Variants in DOCK3 observed in about 807,000 individuals in gnomAD.
DOCK3 encodes dedicator of cytokinesis protein 3.
A neutral mutation model predicts 265.6 loss-of-function variants in DOCK3; 60 were observed. That is an observed-to-expected ratio of 0.23 (90% CI 0.18 to 0.28). DOCK3 has a LOEUF of 0.28. DOCK3 is among the 10% of genes least tolerant of loss of function. DOCK3 has a pLI of 1.00. For synonymous variants in DOCK3, 881 were observed against 938.0 expected (o/e 0.94, Z 1.11); for missense variants, 1,981 against 2,594.3 (o/e 0.76, Z 5.14).
At chr3:51,341,769 T>C (rs2085257212) in intron 38 of DOCK3, among the ~76,000 whole-genome samples, 1 of 152,276 alleles carries the variant, frequency 6.6e-6, no homozygotes, top group Admixed American at 6.5e-5. Context: ...TAGAAATGAA[T>C]GGATTTTAAC....
At position 50,823,107 on chromosome 3, in the gene DOCK3, CTTAAG is replaced by C. The variant is rs897644529; in HGVS notation, c.122-18563_122-18559del. 3.8e-4 allele frequency among the ~76,000 whole-genome samples: 58 copies of C among 151,902 alleles called. 1 individual carries two copies. The highest frequency in any genetic ancestry group is 5.9e-5 in the Non-Finnish European group (4 of 67,966). On this transcript the variant is annotated intron_variant, in intron 2 of 52. Coordinates refer to ENST00000266037, the MANE Select transcript of DOCK3 (RefSeq NM_004947.5). ...GACAGATTTTTCATTATACTTGCAA[CTTAAG>C]TTAATTTTTAAAAGTAAATTGGAAT...
chr3:51,010,446 C>G (rs1559931810), intron 5 of DOCK3, among the ~76,000 whole-genome samples: 2 of 151,282 alleles, frequency 1.3e-5, no homozygotes, highest in East Asian at 3.9e-4. Flanking sequence ...GCAACCCCTA[C>G]TTTTTTTTTG....
At chr3:51,018,959 T>G (rs764003685) in intron 5 of DOCK3, among the ~76,000 whole-genome samples, 1 of 151,924 alleles carries the variant, frequency 6.6e-6, no homozygotes, top group African/African-American at 2.4e-5. Context: ...TAGCTTGTAT[T>G]TTTAATCCCA....
chr3:51,279,544 T>C (rs1437655787), intron 26 of DOCK3, among the ~76,000 whole-genome samples: 2 of 152,246 alleles, frequency 1.3e-5, no homozygotes, highest in Non-Finnish European at 2.9e-5. Context: ...TCTACTTGTC[T>C]TAAAGCCCAT....
Position 51,072,842 on chromosome 3 carries a change from C to T in DOCK3, c.465-2514C>T, listed in dbSNP as rs1050948224. On this transcript the variant is annotated intron_variant, in intron 6 of 52. Coordinates refer to ENST00000266037, the MANE Select transcript of DOCK3 (RefSeq NM_004947.5). ...GCCTCAGCCTCCTGAGTAGCTGGGA[C>T]TGCAGTCACATGCCATCACAACCTG... Among the ~76,000 whole-genome samples, 123 of 151,742 alleles carry T rather than the reference C, an allele frequency of 8.1e-4. 2 individuals are homozygous for T. The highest frequency in any genetic ancestry group is 7.2e-4 in the Admixed American group (11 of 15,224).
At chr3:51,330,769 G>A (rs2084465758) in intron 33 of DOCK3, among the ~76,000 whole-genome samples, 1 of 152,192 alleles carries the variant, frequency 6.6e-6, no homozygotes, top group Admixed American at 6.5e-5. Context: ...TCTGGCTTGA[G>A]TTGATGGAGG....
chr3:51,137,114 C>A (rs1308675893), intron 9 of DOCK3, among the ~76,000 whole-genome samples: 1 of 151,706 alleles, frequency 6.6e-6, no homozygotes, highest in Non-Finnish European at 1.5e-5. Context: ...TATAAAACCC[C>A]TTTTTTGTGT....
intron 5 of DOCK3, among the ~76,000 whole-genome samples, chr3:51,020,222 A>G (rs2108869406): frequency 6.6e-6 from 1 of 151,852 alleles, no homozygotes; most frequent in South Asian, 2.1e-4. Context: ...CTAATGATCA[A>G]CAATGTTGAG....
intron 13 of DOCK3, among the ~76,000 whole-genome samples, chr3:51,209,205 C>G (rs139803411): frequency 1.3e-5 from 2 of 152,298 alleles, no homozygotes; most frequent in East Asian, 3.9e-4. Context: ...ATAAATACCT[C>G]TATCTCTATA....
At chr3:51,339,604 T>C (rs2085099942) in intron 37 of DOCK3, among the ~76,000 whole-genome samples, 1 of 152,222 alleles carries the variant, frequency 6.6e-6, no homozygotes, top group African/African-American at 2.4e-5. Flanking sequence ...ATCTACAATT[T>C]AATCCAATAT....
intron 5 of DOCK3, among the ~76,000 whole-genome samples, chr3:51,007,202 GACTTC>G (rs1156753230): frequency 1.3e-5 from 2 of 152,194 alleles, no homozygotes; most frequent in Non-Finnish European, 2.9e-5. Flanking sequence ...TCACCACACT[GACTTC>G]CACAATGGTT....
chr3:50,757,163 C>CCT (rs2040207786), intron 1 of DOCK3, among the ~76,000 whole-genome samples: 8 of 81,628 alleles, frequency 9.8e-5, no homozygotes, highest in Non-Finnish European at 1.7e-4. Flanking sequence ...AGATTGTCGT[C>CCT]TTTTTTTTTT....
intron 27 of DOCK3, among the ~76,000 whole-genome samples, chr3:51,296,571 G>C (rs2109266098): frequency 6.6e-6 from 1 of 151,272 alleles, no homozygotes; most frequent in East Asian, 2.0e-4. Context: ...CTGCCTCCTG[G>C]GTTCACCCCA....
chr3:51,045,753 G>A (rs911764977), intron 5 of DOCK3, among the ~76,000 whole-genome samples: 1 of 152,098 alleles, frequency 6.6e-6, no homozygotes, highest in African/African-American at 2.4e-5. Flanking sequence ...TTTAAAAAAT[G>A]TCTTGGTATT....
intron 4 of DOCK3, among the ~76,000 whole-genome samples, chr3:50,905,480 C>A (rs1274293283): frequency 1.3e-5 from 2 of 152,036 alleles, no homozygotes; most frequent in Non-Finnish European, 2.9e-5. Flanking sequence ...TCCTTCACAT[C>A]CCTTGTAAGT....
At chr3:50,856,684 C>T (rs2046616929) in intron 3 of DOCK3, among the ~76,000 whole-genome samples, 3 of 151,794 alleles carry the variant, frequency 2.0e-5, no homozygotes, top group Non-Finnish European at 2.9e-5. Flanking sequence ...TTATTTCTTT[C>T]TCTCACCTGG....
chr3:50,711,920 A>C (rs2036798975), intron 1 of DOCK3, among the ~76,000 whole-genome samples: 1 of 152,118 alleles, frequency 6.6e-6, no homozygotes, highest in African/African-American at 2.4e-5. Context: ...CTTTCTAGGA[A>C]TTTGTCCATT....
chr3:51,223,173 C>T (rs963587548), intron 14 of DOCK3, among the ~76,000 whole-genome samples: 1 of 152,166 alleles, frequency 6.6e-6, no homozygotes, highest in African/African-American at 2.4e-5. Flanking sequence ...TAGCCTCAAA[C>T]AATGTGCTCA....
intron 1 of DOCK3, among the ~76,000 whole-genome samples, chr3:50,746,713 G>A (rs2039470284): frequency 6.6e-6 from 1 of 152,096 alleles, no homozygotes; most frequent in Non-Finnish European, 1.5e-5. Context: ...ATGGCAGAAG[G>A]CAAAGGGGAG....
Sources: gnomAD v4.1 joint callset for allele counts (sites outside exome capture counted in the v4.1 genomes callset) on GRCh38, gnomAD v4.1.1 for gene constraint, MANE v1.5 for transcripts, NCBI Gene and HGNC (gene_info 2026-07-23, HGNC 2026-07-21) for gene names.